Variants in PCDHGA1 observed in about 807,000 individuals in gnomAD.
The protein encoded by PCDHGA1 is protocadherin gamma subfamily A, 1.
A neutral mutation model predicts 58.0 loss-of-function variants in PCDHGA1; 32 were observed. That is an observed-to-expected ratio of 0.55 (90% CI 0.42 to 0.74). The LOEUF is 0.74. Among genes scored for constraint, PCDHGA1 ranks in the 30% least tolerant of loss-of-function variants. PCDHGA1 has a pLI of 0.00. For missense variants in PCDHGA1, 1,205 were observed against 1,182.3 expected (o/e 1.02, Z -0.28); for synonymous variants, 498 against 501.1 (o/e 0.99, Z 0.08).
At chr5:141,350,823 A>G in intron 1 of PCDHGA1, 1 of 1,614,030 alleles carries the variant, frequency 6.2e-7, no homozygotes, top group Non-Finnish European at 8.5e-7. Context: ...GGAAGTAAAT[A>G]TCCGGTATTA....
At chr5:141,510,682 GA>G (rs1303501817) in intron 3 of PCDHGA1, among the ~76,000 whole-genome samples, 6 of 152,154 alleles carry the variant, frequency 3.9e-5, no homozygotes, top group Non-Finnish European at 8.8e-5. Flanking sequence ...GTGGCATAAG[GA>G]GGTTAGGTAG....
Position 141,330,910 on chromosome 5 carries a change from G to T in PCDHGA1, c.226G>T (p.Ala76Ser), listed in dbSNP as rs767605193. The change falls in exon 1 of 4, where the codon GCT (alanine) becomes TCT (serine). Residue 76 changes from alanine (A) to serine (S), a missense_variant. Coordinates refer to ENST00000517417, the MANE Select transcript of PCDHGA1 (RefSeq NM_018912.3). The stretch of plus-strand genomic sequence containing the variant: ...CTCCAGAGGTAGGATGCCGCTTTTC[G>T]CTCTGAATCCTAGAAGTGGCAGCTT... Reference protein sequence around the residue: ...IVSRGRMPLFALNPRSGSLIT... With the variant: ...IVSRGRMPLFSLNPRSGSLIT... 1.9e-6 allele frequency: 3 copies of T among 1,614,214 alleles called. No homozygotes were observed. The highest frequency in any genetic ancestry group is 2.5e-6 in the Non-Finnish European group (3 of 1,180,036).
chr5:141,401,641 A>C (rs557366973), intron 1 of PCDHGA1, among the ~76,000 whole-genome samples: 1 of 152,374 alleles, frequency 6.6e-6, no homozygotes, highest in African/African-American at 2.4e-5. Context: ...GGAGCTTTAA[A>C]TATAAATGAC....
Position 141,331,873 on chromosome 5 carries a change from T to C in PCDHGA1, c.1189T>C (p.Leu397=), listed in dbSNP as rs1158201965. ...AAATTTACCCTTTAAATTGGAAAAGTTAGTTGATAATTATTACCGTTTAGT... is the reference window on the plus strand; with the variant it reads ...AAATTTACCCTTTAAATTGGAAAAGCTAGTTGATAATTATTACCGTTTAGT... ...PGNLPFKLEK[L]VDNYYRLVTE... is the part of the protein sequence containing the mutation. Residue 397 remains leucine, a synonymous_variant, in exon 1 of 4, where the codon TTA becomes CTA. Coordinates refer to ENST00000517417, the MANE Select transcript of PCDHGA1 (RefSeq NM_018912.3). The C allele has an allele frequency of 1.2e-6, 2 of 1,614,160 alleles. No individual in the cohort carries two copies. The highest frequency in any genetic ancestry group is 1.7e-6 in the Non-Finnish European group (2 of 1,180,016).
chr5:141,364,639 G>A, intron 1 of PCDHGA1: 1 of 1,614,116 alleles, frequency 6.2e-7, no homozygotes. Flanking sequence ...CACTGTGTGT[G>A]GTGAACTTTA....
At position 141,423,431 on chromosome 5, in the gene PCDHGA1, G is replaced by A. The variant is rs1220133197; in HGVS notation, c.2422-71376G>A. On this transcript the variant is annotated intron_variant, in intron 1 of 3. Coordinates refer to ENST00000517417, the MANE Select transcript of PCDHGA1 (RefSeq NM_018912.3). ...CAGGCTTCTGAAGGCGGGTTGGCAGGTATGCCCACGTCACATTTTGTAGGC... is the reference window on the plus strand; with the variant it reads ...CAGGCTTCTGAAGGCGGGTTGGCAGATATGCCCACGTCACATTTTGTAGGC... 3 of 1,613,892 alleles carry A rather than the reference G, an allele frequency of 1.9e-6. No homozygotes were observed. Among genetic ancestry groups the A allele is most frequent in the Admixed American group, 3.3e-5 (2 of 60,012 alleles).
chr5:141,494,182 C>A (rs188628485), intron 1 of PCDHGA1, among the ~76,000 whole-genome samples: 1 of 152,126 alleles, frequency 6.6e-6, no homozygotes, highest in Non-Finnish European at 1.5e-5. Context: ...AGAAGTGTCC[C>A]GGGACTTGGA....
chr5:141,346,238 G>A, intron 1 of PCDHGA1: 4 of 1,614,204 alleles, frequency 2.5e-6, no homozygotes, highest in Non-Finnish European at 3.4e-6. Flanking sequence ...TGGCGAGTAC[G>A]CCCGGCTCGC....
In PCDHGA1 at chr5:141,512,243, C is replaced by T. The variant is rs1205585993; in HGVS notation, c.*1070C>T. ...AGGTCCCCTTGAGAGGTCAGAGGGG[C>T]CTCTGTGGGTGCTGGGTACTCCAGA... On this transcript the variant is annotated 3_prime_UTR_variant, in exon 4 of 4. Transcript: ENST00000517417. 2 of 152,728 alleles carry T rather than the reference C, an allele frequency of 1.3e-5. No homozygotes were observed. The highest frequency in any genetic ancestry group is 1.5e-5 in the Non-Finnish European group (1 of 68,138). 9.5% of individuals were successfully genotyped at this position (152,728 alleles called of 1,614,324 possible).
At chr5:141,422,464 A>G (rs1303001624) in intron 1 of PCDHGA1, 1 of 1,613,502 alleles carries the variant, frequency 6.2e-7, no homozygotes, top group Admixed American at 1.7e-5. Context: ...AGTGCTGGAC[A>G]GGGAGTTGGT....
chr5:141,402,223 T>C (rs1329025694), intron 1 of PCDHGA1, among the ~76,000 whole-genome samples: 1 of 152,054 alleles, frequency 6.6e-6, no homozygotes, highest in Non-Finnish European at 1.5e-5. Context: ...AAATAAACGT[T>C]TTTCCAGGAA....
At chr5:141,504,959 T>C (rs1297800554) in intron 2 of PCDHGA1, among the ~76,000 whole-genome samples, 2 of 152,038 alleles carry the variant, frequency 1.3e-5, no homozygotes, top group Non-Finnish European at 2.9e-5. Flanking sequence ...GTTCAATGCA[T>C]TGGACCAGCC....
intron 1 of PCDHGA1, among the ~76,000 whole-genome samples, chr5:141,337,583 A>G (rs1283346179): frequency 6.6e-6 from 1 of 152,242 alleles, no homozygotes; most frequent in African/African-American, 2.4e-5. Flanking sequence ...AAATTCATAG[A>G]GAAAAAAGGT....
intron 1 of PCDHGA1, chr5:141,345,972 C>G (rs753949657): frequency 6.2e-7 from 1 of 1,613,558 alleles, no homozygotes; most frequent in East Asian, 2.2e-5. Context: ...GGTGGCCGTC[C>G]AGGACCACGG....
At chr5:141,347,752 A>G (rs1758010399) in intron 1 of PCDHGA1, among the ~76,000 whole-genome samples, 1 of 150,886 alleles carries the variant, frequency 6.6e-6, no homozygotes, top group Non-Finnish European at 1.5e-5. Context: ...GGGCCACTGC[A>G]CTCCAGCTGG....
rs759193676 is a variant in PCDHGA1 at position 141,355,515 on chromosome 5, C to T, written c.2421+22410C>T. On this transcript the variant is annotated intron_variant, in intron 1 of 3. Transcript: ENST00000517417. The stretch of plus-strand genomic sequence containing the variant: ...ACAGATCTCCAAACTGTGTGACAAA[C>T]CTGGAGATTCTTCTAGAAGATACAG... 8.1e-6 allele frequency: 13 copies of T among 1,614,008 alleles called. No homozygotes were observed. The East Asian group carries it at 1.1e-4, about 14-fold the overall frequency.
chr5:141,393,306 A>G (rs2092724552), intron 1 of PCDHGA1: 2 of 1,613,734 alleles, frequency 1.2e-6, no homozygotes, highest in African/African-American at 2.7e-5. Flanking sequence ...TGTGGGCGTG[A>G]ACTCCCTCCA....
chr5:141,410,255 C>T (rs758117248), intron 1 of PCDHGA1: 26 of 1,614,030 alleles, frequency 1.6e-5, no homozygotes, highest in Non-Finnish European at 1.9e-5. Flanking sequence ...CTCTGACCCC[C>T]AGGCTGAACT....
rs1479003983 is a variant in PCDHGA1, at chr5:141,485,352, C to T, written c.2422-9455C>T. On this transcript the variant is annotated intron_variant, in intron 1 of 3. Coordinates refer to ENST00000517417, the MANE Select transcript of PCDHGA1 (RefSeq NM_018912.3). This position sits in a 1 kb window ranked among gnomAD's most constrained non-coding sequence, Gnocchi z 5.7. ...TTCCTGCTGGATACGGACAGTCTGT[C>T]AGCTCGCAGGCTGCAGGTCGCTGGA... 1 of 1,614,136 alleles carries T rather than the reference C, an allele frequency of 6.2e-7. No homozygotes were observed. The highest frequency in any genetic ancestry group is 8.5e-7 in the Non-Finnish European group (1 of 1,180,012).
Sources: allele counts gnomAD v4.1 joint callset (sites outside exome capture counted in the v4.1 genomes callset), GRCh38; gene constraint gnomAD v4.1.1; non-coding constraint Gnocchi (gnomAD v3.1); transcripts MANE v1.5; gene names NCBI Gene and HGNC (gene_info 2026-07-23, HGNC 2026-07-21).